CCDC88A: variants seen among roughly 807,000 people sequenced by gnomAD.
CCDC88A encodes girdin.
In CCDC88A, 54 loss-of-function variants were observed where a neutral mutation model predicts 234.3. That is an observed-to-expected ratio of 0.23 (90% confidence interval 0.19 to 0.29). The LOEUF (loss-of-function observed/expected upper bound fraction) is 0.29. Among genes scored for constraint, CCDC88A ranks in the 10% least tolerant of loss-of-function variants. CCDC88A has a pLI of 1.00. For synonymous variants in CCDC88A, 753 were observed against 737.8 expected (o/e 1.02, Z -0.33); for missense variants, 1,832 against 2,123.4 (o/e 0.86, Z 2.70).
intron 31 of CCDC88A, chr2:55,294,090 A>T: frequency 4.7e-6 from 1 of 214,244 alleles, no homozygotes; most frequent in Non-Finnish European, 8.0e-6. Context: ...ATAATAGATT[A>T]ATTATAGAAG....
At chr2:55,336,654 T>A (rs1333100702) in intron 14 of CCDC88A, 27 bp downstream of exon 14, 1 of 1,433,254 alleles carries the variant, frequency 7.0e-7, no homozygotes, top group African/African-American at 1.5e-5. Flanking sequence ...TAAAATACAT[T>A]GTTTACTTAG....
At chr2:55,352,833 TTC>T (rs34750689) in intron 8 of CCDC88A, among the ~76,000 whole-genome samples, 48,058 of 151,922 alleles carry the variant, frequency 0.32, 7,948 homozygotes, top group East Asian at 0.54. Flanking sequence ...AATTTGCACT[TTC>T]TGATTGTAAT....
intron 31 of CCDC88A, chr2:55,295,195 T>C (rs527755635): frequency 3.7e-5 from 49 of 1,314,810 alleles, no homozygotes; most frequent in Non-Finnish European, 4.9e-5. Context: ...TGTAGGTTAC[T>C]GTTACTAGGG....
At chr2:55,295,315 TACTA>T (rs779582662) in intron 31 of CCDC88A, 36 of 1,465,546 alleles carry the variant, frequency 2.5e-5, no homozygotes, top group East Asian at 1.8e-4. Context: ...CCACTTATGT[TACTA>T]ACTAATTCTG....
intron 2 of CCDC88A, among the ~76,000 whole-genome samples, chr2:55,397,101 T>C (rs554129654): frequency 1.3e-5 from 2 of 151,498 alleles, no homozygotes; most frequent in Non-Finnish European, 2.9e-5. Context: ...GAAAAAAAAA[T>C]TTTTTTTGAG....
At chr2:55,394,774 G>A (rs1303363993) in intron 2 of CCDC88A, 1 of 150,866 alleles carries the variant, frequency 6.6e-6, no homozygotes, top group Non-Finnish European at 1.5e-5. Context: ...AAACCTGCAT[G>A]TTGGGCATAT....
At chr2:55,349,437 G>T in intron 9 of CCDC88A, 81 bp downstream of exon 9, 1 of 1,013,902 alleles carries the variant, frequency 9.9e-7, no homozygotes, top group Non-Finnish European at 1.5e-6. Flanking sequence ...AAGCATTGAA[G>T]TAAAGGTTAT....
intron 13 of CCDC88A, among the ~76,000 whole-genome samples, chr2:55,338,678 A>C (rs1394009318): frequency 6.6e-6 from 1 of 152,206 alleles, no homozygotes; most frequent in Non-Finnish European, 1.5e-5. Flanking sequence ...TGAGCCTAGA[A>C]TATTTTGTCA....
rs375843789 is a variant in CCDC88A at position 55,343,784 on chromosome 2, A to G, written c.1197T>C (p.Asp399=). The G allele has an allele frequency of 1.9e-6, 3 of 1,606,174 alleles. No individual in the cohort carries two copies. Among genetic ancestry groups the G allele is most frequent in the Non-Finnish European group, 2.6e-6 (3 of 1,176,460 alleles). The change falls in exon 12 of 33, where the codon GAT becomes GAC. Residue 399 remains aspartate (D), a synonymous_variant. Transcript: ENST00000436346. The stretch of plus-strand genomic sequence containing the variant: ...ATTCTTCAATCTTTTTTCTATCCAT[A>G]TCTCGTTCCTTTTTTATTGGCAAGG... ...AKLHDMEMER[D]MDRKKIEELM... is the part of the protein sequence containing the mutation.
chr2:55,393,390 A>T (rs1329843693), intron 2 of CCDC88A, among the ~76,000 whole-genome samples: 3 of 132,750 alleles, frequency 2.3e-5, no homozygotes, highest in Non-Finnish European at 3.1e-5. Context: ...TCCAGGGTTC[A>T]GGTGATTCTC....
intron 12 of CCDC88A, among the ~76,000 whole-genome samples, chr2:55,341,810 T>G (rs1230055124): frequency 6.6e-6 from 1 of 152,194 alleles, no homozygotes; most frequent in African/African-American, 2.4e-5. Flanking sequence ...TCTTTATCCA[T>G]CATTTCATTG....
chr2:55,419,325 C>A lies in CCDC88A; in HGVS notation c.-246G>T. The A allele has an allele frequency of 2.1e-6, 1 of 480,188 alleles. No homozygotes were observed. Among genetic ancestry groups the A allele is most frequent in the Non-Finnish European group, 3.8e-6 (1 of 266,110 alleles). The allele number at this position is 480,188 out of a possible 1,614,324, so 29.7% of individuals were successfully genotyped here. A position where few individuals can be genotyped will look rare whatever the true frequency, so the allele number is the denominator to read the frequency against. ...GCAGCCTGCGCTGGAAATGTCTGTA[C>A]CGGGCGAGGAGGGGCAGAGAAAAGG... On this transcript the variant is annotated 5_prime_UTR_variant, in exon 1 of 33. Coordinates refer to ENST00000436346, the MANE Select transcript of CCDC88A (RefSeq NM_001365480.1).
intron 3 of CCDC88A, among the ~76,000 whole-genome samples, chr2:55,376,975 C>T (rs183489323): frequency 6.6e-6 from 1 of 152,122 alleles, no homozygotes; most frequent in East Asian, 1.9e-4. Context: ...GGATTACAGG[C>T]GCCCACCACC....
At chr2:55,379,489 T>C (rs1674228332) in intron 3 of CCDC88A, among the ~76,000 whole-genome samples, 1 of 152,222 alleles carries the variant, frequency 6.6e-6, no homozygotes, top group South Asian at 2.1e-4. Context: ...TTATTGAATA[T>C]CAATTATCTG....
chr2:55,343,564 C>T (rs1185322246), intron 12 of CCDC88A, 84 bp downstream of exon 12: 2 of 1,017,524 alleles, frequency 2.0e-6, no homozygotes, highest in East Asian at 2.6e-5. Context: ...ATATCTCCCA[C>T]TGCGGAAAAT....
At chr2:55,327,426 C>T (rs1409279933) in intron 17 of CCDC88A, among the ~76,000 whole-genome samples, 6 of 152,246 alleles carry the variant, frequency 3.9e-5, no homozygotes, top group Non-Finnish European at 7.4e-5. Flanking sequence ...TATGAGTATA[C>T]GGATTCAAAG....
chr2:55,303,391 C>CTTT (rs397965492), intron 25 of CCDC88A, among the ~76,000 whole-genome samples: 21 of 135,464 alleles, frequency 1.6e-4, no homozygotes, highest in African/African-American at 5.6e-4. Flanking sequence ...GGAACATATA[C>CTTT]TTTTTTTTTT....
Position 55,334,012 on chromosome 2 carries a change from G to A in CCDC88A, c.2727+82C>T. 2.1e-6 allele frequency: 1 copy of A among 468,260 alleles called. No homozygotes were observed. Among genetic ancestry groups the A allele is most frequent in the Non-Finnish European group, 3.6e-6 (1 of 276,454 alleles). The allele number at this position is 468,260 out of a possible 1,614,324, so 29.0% of individuals were successfully genotyped here. ...CATAAAATAAATGATGCAAATTACT[G>A]ATAGATTCCAATAAAACTTAAAGAA... is the stretch of plus-strand genomic sequence containing the variant. On this transcript the variant is annotated intron_variant, in intron 15 of 32. Coordinates refer to ENST00000436346, the MANE Select transcript of CCDC88A (RefSeq NM_001365480.1). This position sits in a 1 kb window ranked among gnomAD's most constrained non-coding sequence, Gnocchi z 6.1.
In CCDC88A at chr2:55,317,655, C is replaced by T. The variant is rs745620129; in HGVS notation, c.3511G>A (p.Ala1171Thr). ...EKLELLHERQ[A>T]SEYESLISKH... Reference sequence around the variant, plus strand: ...GAGATAAGAGATTCATACTCTGAAGCCTGACGTTCATGAAGAAGTTCCAGC... The same window carrying T: ...GAGATAAGAGATTCATACTCTGAAGTCTGACGTTCATGAAGAAGTTCCAGC... The change falls in exon 20 of 33, where the codon GCT becomes ACT. Residue 1171 changes from alanine (A) to threonine (T), a missense_variant. Transcript: ENST00000436346. This position sits in a 1 kb window ranked among gnomAD's most constrained non-coding sequence, Gnocchi z 4.2. 2 of 1,612,986 alleles carry T rather than the reference C, an allele frequency of 1.2e-6. No individual in the cohort carries two copies. The highest frequency in any genetic ancestry group is 1.3e-5 in the African/African-American group (1 of 74,868).
Sources: gnomAD v4.1 joint callset for allele counts (sites outside exome capture counted in the v4.1 genomes callset) on GRCh38, gnomAD v4.1.1 for gene constraint, Gnocchi (gnomAD v3.1) non-coding constraint, MANE v1.5 for transcripts, NCBI Gene and HGNC (gene_info 2026-07-23, HGNC 2026-07-21) for gene names.